Variants in GALNT17 observed in about 807,000 individuals in gnomAD.
GALNT17 encodes UDP-GalNAc:polypeptide N-acetylgalactosaminyltransferase-like 3.
GALNT17 carries 29 observed loss-of-function variants against 63.7 expected under a neutral mutation model. The ratio of observed to expected loss-of-function variants is 0.46; its 90% CI spans 0.34 to 0.62. The LOEUF (loss-of-function observed/expected upper bound fraction) is 0.62. Ranked by LOEUF, GALNT17 falls within the 20% of genes least tolerant of loss-of-function variation. The pLI is 0.01. For synonymous variants in GALNT17, 305 were observed against 318.3 expected, an observed-to-expected ratio of 0.96 and a Z score of 0.45; for missense variants, 603 against 799.6, an observed-to-expected ratio of 0.75 and a Z score of 2.97.
intron 2 of GALNT17, among the ~76,000 whole-genome samples, chr7:71,342,373 G>T (rs1324636465): frequency 6.6e-6 from 1 of 152,118 alleles, no homozygotes; most frequent in Non-Finnish European, 1.5e-5. Flanking sequence ...ATGGCACTAA[G>T]CCATTTATGG....
rs114704474 is a variant in GALNT17, at chr7:71,290,169, A to C, written c.239-45381A>C. Among the ~76,000 whole-genome samples, 787 of 152,376 alleles carry C rather than the reference A, an allele frequency of 5.2e-3. 7 individuals carry two copies. The highest frequency in any genetic ancestry group is 0.018 in the African/African-American group (753 of 41,598). On this transcript the variant is annotated intron_variant, in intron 1 of 10. Coordinates refer to ENST00000333538, the MANE Select transcript of GALNT17 (RefSeq NM_022479.3). Reference sequence around the variant, plus strand: ...CACTGCCATCTAATTCCAGAACATTATCATCACCCCAAAAAGAAACCGTGT... The same window carrying C: ...CACTGCCATCTAATTCCAGAACATTCTCATCACCCCAAAAAGAAACCGTGT...
intron 1 of GALNT17, among the ~76,000 whole-genome samples, chr7:71,327,171 GAA>G (rs563975010): frequency 8.6e-4 from 131 of 152,304 alleles, no homozygotes; most frequent in African/African-American, 2.9e-3. Flanking sequence ...GACCACAGGA[GAA>G]GTCTTCCAGT....
chr7:71,656,249 A>G (rs1387466202), intron 6 of GALNT17, among the ~76,000 whole-genome samples: 2 of 152,130 alleles, frequency 1.3e-5, no homozygotes, highest in African/African-American at 4.8e-5. Context: ...TGCAATTACA[A>G]CCGTGATAAG....
At chr7:71,478,960 A>T (rs1449522113) in intron 5 of GALNT17, among the ~76,000 whole-genome samples, 1 of 152,194 alleles carries the variant, frequency 6.6e-6, no homozygotes, top group East Asian at 1.9e-4. Flanking sequence ...TGGAGACCAT[A>T]AGTAAAATCA....
At chr7:71,141,406 CTG>C (rs2116167174) in intron 1 of GALNT17, among the ~76,000 whole-genome samples, 1 of 151,774 alleles carries the variant, frequency 6.6e-6, no homozygotes, top group South Asian at 2.1e-4. Context: ...AAAAGACAGA[CTG>C]GGTTTGATTT....
intron 6 of GALNT17, among the ~76,000 whole-genome samples, chr7:71,621,193 G>A (rs190330532): frequency 2.0e-5 from 3 of 151,608 alleles, no homozygotes; most frequent in East Asian, 3.9e-4. Context: ...TGCTATAAAC[G>A]CACTTTCTTC....
chr7:71,497,225 C>T (rs1396771623), intron 5 of GALNT17, among the ~76,000 whole-genome samples: 1 of 152,206 alleles, frequency 6.6e-6, no homozygotes, highest in African/African-American at 2.4e-5. Context: ...TTCTTCTGTG[C>T]ACTAATCCAC....
chr7:71,174,999 G>A (rs1192826744), intron 1 of GALNT17, among the ~76,000 whole-genome samples: 3 of 152,170 alleles, frequency 2.0e-5, no homozygotes, highest in Non-Finnish European at 2.9e-5. Context: ...GGACCATATT[G>A]ATATCAATGA....
At chr7:71,369,035 T>A (rs1018898058) in intron 2 of GALNT17, among the ~76,000 whole-genome samples, 2 of 152,160 alleles carry the variant, frequency 1.3e-5, no homozygotes, top group African/African-American at 4.8e-5. Context: ...TGATCTGATG[T>A]GGCATTTTCA....
At chr7:71,629,368 A>T (rs1445334354) in intron 6 of GALNT17, among the ~76,000 whole-genome samples, 1 of 152,234 alleles carries the variant, frequency 6.6e-6, no homozygotes, top group Non-Finnish European at 1.5e-5. Flanking sequence ...ATCTGATGAC[A>T]TCTACCTATG....
At chr7:71,273,960 G>T (rs563205135) in intron 1 of GALNT17, among the ~76,000 whole-genome samples, 1 of 152,302 alleles carries the variant, frequency 6.6e-6, no homozygotes, top group Admixed American at 6.5e-5. Flanking sequence ...TCAGGGATGT[G>T]CACCCACAGA....
intron 1 of GALNT17, among the ~76,000 whole-genome samples, chr7:71,321,694 G>A (rs867356932): frequency 7.8e-6 from 1 of 127,582 alleles, no homozygotes; most frequent in African/African-American, 2.9e-5. Flanking sequence ...TGCAACCTCC[G>A]CCTCCCAGGC....
At chr7:71,435,690 C>CT (rs1786946508) in intron 5 of GALNT17, among the ~76,000 whole-genome samples, 1 of 152,098 alleles carries the variant, frequency 6.6e-6, no homozygotes, top group Non-Finnish European at 1.5e-5. Context: ...ACACTCTCAA[C>CT]TCACTGGCCT....
chr7:71,582,862 C>T (rs908756767), intron 6 of GALNT17, among the ~76,000 whole-genome samples: 13 of 152,002 alleles, frequency 8.6e-5, no homozygotes, highest in African/African-American at 3.1e-4. Flanking sequence ...AAATAGGGTG[C>T]AGGGTATAGT....
chr7:71,550,534 CT>C (rs1331347823), intron 5 of GALNT17, among the ~76,000 whole-genome samples: 1 of 152,112 alleles, frequency 6.6e-6, no homozygotes, highest in African/African-American at 2.4e-5. Flanking sequence ...GCCTGTGCCA[CT>C]ATGCCCAGCT....
chr7:71,543,796 C>CTT (rs1788933044), intron 5 of GALNT17, among the ~76,000 whole-genome samples: 1 of 49,992 alleles, frequency 2.0e-5, no homozygotes, highest in African/African-American at 7.5e-5. Flanking sequence ...TCTTTCTTTT[C>CTT]TTTCTTTTTT....
At chr7:71,226,409 T>G (rs1317331794) in intron 1 of GALNT17, among the ~76,000 whole-genome samples, 1 of 152,192 alleles carries the variant, frequency 6.6e-6, no homozygotes, top group Non-Finnish European at 1.5e-5. Flanking sequence ...GCCTGGATTC[T>G]AATTTGGAAA....
At chr7:71,247,990 G>T (rs1583796408) in intron 1 of GALNT17, among the ~76,000 whole-genome samples, 1 of 152,280 alleles carries the variant, frequency 6.6e-6, no homozygotes, top group East Asian at 1.9e-4. Flanking sequence ...AGGCTGAGGA[G>T]GAGAAAGAAG....
chr7:71,374,640 G>A (rs1792686738), intron 2 of GALNT17, among the ~76,000 whole-genome samples: 1 of 152,172 alleles, frequency 6.6e-6, no homozygotes, highest in African/African-American at 2.4e-5. Context: ...TGGAGACGTG[G>A]AAGGTGAAGG....
Sources: gnomAD v4.1 joint callset for allele counts (sites outside exome capture counted in the v4.1 genomes callset) on GRCh38, gnomAD v4.1.1 for gene constraint, MANE v1.5 for transcripts, NCBI Gene and HGNC (gene_info 2026-07-23, HGNC 2026-07-21) for gene names.